RANBP2: variants seen among roughly 807,000 people sequenced by gnomAD.
The protein encoded by RANBP2 is E3 SUMO-protein ligase RanBP2.
RANBP2 carries 57 observed loss-of-function variants against 303.6 expected under a neutral mutation model. The observed-to-expected ratio is 0.19, with a 90% CI of 0.15 to 0.23. RANBP2 has a LOEUF of 0.23. RANBP2 is among the 10% of genes least tolerant of loss of function. The pLI is 1.00. For missense variants in RANBP2, 3,138 were observed against 3,780.8 expected (o/e 0.83, Z 4.46); for synonymous variants, 1,167 against 1,301.5 (o/e 0.90, Z 2.23).
chr2:109,668,915 G>C, the RANBP2 span, among the ~76,000 whole-genome samples: 118 of 152,234 alleles, frequency 7.8e-4, no homozygotes, highest in African/African-American at 2.7e-3. Flanking sequence ...TTGCATTCAT[G>C]AATGGGAAGG....
chr2:108,877,374 G>A, the RANBP2 span, among the ~76,000 whole-genome samples: 1 of 152,068 alleles, frequency 6.6e-6, no homozygotes, highest in African/African-American at 2.4e-5. Flanking sequence ...GCTGAGGCAG[G>A]AGAACCACTT....
At chr2:108,798,706 C>T in the RANBP2 span, 1 of 603,418 alleles carries the variant, frequency 1.7e-6, no homozygotes. Context: ...CCTCTCCACG[C>T]CTACACACAC....
intron 20 of RANBP2, 62 bp from the exon 21 acceptor site, chr2:108,771,639 T>C: frequency 6.3e-7 from 1 of 1,595,922 alleles, no homozygotes; most frequent in African/African-American, 1.3e-5. Flanking sequence ...TATTTTCAGT[T>C]AGAGTATTAA....
At chr2:109,565,733 A>T in the RANBP2 span, 2 of 1,552,326 alleles carry the variant, frequency 1.3e-6, no homozygotes, top group African/African-American at 1.4e-5. Context: ...AGATAGATAC[A>T]TATTTCTAGT....
the RANBP2 span, among the ~76,000 whole-genome samples, chr2:109,000,825 C>T: frequency 8.6e-3 from 1,307 of 152,180 alleles, 18 homozygotes; most frequent in African/African-American, 0.03. Flanking sequence ...ATTGAGAAAA[C>T]GGAGGCACAC....
At chr2:109,154,722 T>C in the RANBP2 span, among the ~76,000 whole-genome samples, 3 of 152,172 alleles carry the variant, frequency 2.0e-5, no homozygotes, top group Non-Finnish European at 4.4e-5. Flanking sequence ...ACAAGGTCTG[T>C]GGGGGGTGAT....
At chr2:109,559,967 C>A in the RANBP2 span, among the ~76,000 whole-genome samples, 268 of 140,304 alleles carry the variant, frequency 1.9e-3, 1 homozygote, top group South Asian at 8.1e-3. Flanking sequence ...GTCACCCAGG[C>A]TGGAGTGCAG....
At chr2:108,988,618 G>A in the RANBP2 span, among the ~76,000 whole-genome samples, 52 of 152,224 alleles carry the variant, frequency 3.4e-4, no homozygotes, top group African/African-American at 1.1e-3. Context: ...CCGGGCACAG[G>A]GGCAAACCTG....
At chr2:109,204,005 G>A in the RANBP2 span, among the ~76,000 whole-genome samples, 2 of 152,202 alleles carry the variant, frequency 1.3e-5, no homozygotes, top group East Asian at 1.9e-4. Flanking sequence ...GGCTCTGAGT[G>A]TGAAAACCCG....
chr2:109,301,308 T>TG, the RANBP2 span, among the ~76,000 whole-genome samples: 1 of 146,102 alleles, frequency 6.8e-6, no homozygotes, highest in Non-Finnish European at 1.5e-5. Context: ...GTGTATGTGG[T>TG]GGGGGGCGGG....
the RANBP2 span, among the ~76,000 whole-genome samples, chr2:109,142,330 A>G: frequency 6.6e-6 from 1 of 152,014 alleles, no homozygotes; most frequent in African/African-American, 2.4e-5. Context: ...AAAAATTCCC[A>G]TGCATGTTAT....
At chr2:108,733,587 T>C (rs1026375593) in intron 4 of RANBP2, among the ~76,000 whole-genome samples, 2 of 152,306 alleles carry the variant, frequency 1.3e-5, no homozygotes, top group Admixed American at 6.5e-5. Flanking sequence ...TCCCCAGTAA[T>C]AAGCAGCTGG....
chr2:108,799,438 C>T, the RANBP2 span, among the ~76,000 whole-genome samples: 1 of 152,184 alleles, frequency 6.6e-6, no homozygotes, highest in Admixed American at 6.5e-5. Flanking sequence ...AGTTCCCTTA[C>T]GCTCTCTTGT....
the RANBP2 span, among the ~76,000 whole-genome samples, chr2:109,507,812 A>G: frequency 6.6e-6 from 1 of 152,230 alleles, no homozygotes; most frequent in Non-Finnish European, 1.5e-5. Context: ...AGCTGAGGGC[A>G]GACAATCAGA....
the RANBP2 span, among the ~76,000 whole-genome samples, chr2:109,443,650 TAAA>T: frequency 6.6e-6 from 1 of 152,232 alleles, no homozygotes; most frequent in African/African-American, 2.4e-5. Context: ...TTATTAGAGA[TAAA>T]AAGGCAATTT....
downstream of RANBP2, among the ~76,000 whole-genome samples, chr2:108,787,651 T>C (rs534681913): frequency 6.6e-6 from 1 of 152,356 alleles, no homozygotes; most frequent in Non-Finnish European, 1.5e-5. Context: ...TTGTATTTGA[T>C]TGTCCTTTTT....
chr2:109,248,336 T>C, the RANBP2 span, among the ~76,000 whole-genome samples: 1 of 152,084 alleles, frequency 6.6e-6, no homozygotes, highest in Non-Finnish European at 1.5e-5. Flanking sequence ...GCCATACAGA[T>C]ATTCTTCTTA....
chr2:109,735,232 C>T, the RANBP2 span, among the ~76,000 whole-genome samples: 2 of 152,196 alleles, frequency 1.3e-5, no homozygotes, highest in African/African-American at 4.8e-5. Flanking sequence ...ACTTTTTAAT[C>T]TTCCACATAT....
chr2:109,608,827 T>C, the RANBP2 span, among the ~76,000 whole-genome samples: 20 of 152,358 alleles, frequency 1.3e-4, no homozygotes, highest in Admixed American at 5.2e-4. Flanking sequence ...TTCCAGATAT[T>C]ATCAGAAGAA....
Sources: gnomAD v4.1 joint callset for allele counts (sites outside exome capture counted in the v4.1 genomes callset) on GRCh38, gnomAD v4.1.1 for gene constraint, MANE v1.5 for transcripts, NCBI Gene and HGNC (gene_info 2026-07-23, HGNC 2026-07-21) for gene names.